AK2: variants seen among roughly 807,000 people sequenced by gnomAD.
AK2 encodes the protein adenylate kinase 2, mitochondrial.
In AK2, 15 loss-of-function variants were observed where a neutral mutation model predicts 24.6. The observed-to-expected ratio is 0.61, with a 90% CI of 0.41 to 0.94. The LOEUF is 0.94. AK2 is among the 40% of genes least tolerant of loss of function. The probability of loss-of-function intolerance (pLI) is 0.00; values close to 1 mark genes in which losing one functional copy is unlikely to be tolerated. For synonymous variants in AK2, 102 were observed against 114.0 expected, an observed-to-expected ratio of 0.90 and a Z score of 0.67; for missense variants, 257 against 304.1, an observed-to-expected ratio of 0.85 and a Z score of 1.15.
At position 33,011,287 on chromosome 1, in the gene AK2, C is replaced by G; in HGVS notation, c.*1894G>C. The G allele has an allele frequency of 7.7e-7, 1 of 1,292,798 alleles. No homozygotes were observed. The highest frequency in any genetic ancestry group is 5.5e-5 in the East Asian group (1 of 18,254). 80.1% of individuals were successfully genotyped at this position (1,292,798 alleles called of 1,614,324 possible). On this transcript the variant is annotated 3_prime_UTR_variant, in exon 6 of 6. Transcript: ENST00000672715. ...CCAGAGAAGGATCCCAGACCAGGCA[C>G]ACATAGCTGACAGTTTTTGTTTCAC...
At chr1:33,020,006 G>A (rs1322277073) in intron 4 of AK2, 1 of 1,503,100 alleles carries the variant, frequency 6.7e-7, no homozygotes, top group Middle Eastern at 1.7e-4. Flanking sequence ...GGGAATGGAG[G>A]GTCCATTTGC....
chr1:33,020,733 T>C (rs1557620873), intron 4 of AK2, among the ~76,000 whole-genome samples: 1 of 151,840 alleles, frequency 6.6e-6, no homozygotes. Flanking sequence ...TAGTCCGAGT[T>C]ACTCGGGAGG....
chr1:33,021,371 C>T lies in AK2; in HGVS notation c.421G>A (p.Gly141Arg), dbSNP rs201344074. 1.2e-6 allele frequency: 2 copies of T among 1,613,866 alleles called. No individual in the cohort carries two copies. Among genetic ancestry groups the T allele is most frequent in the Non-Finnish European group, 1.7e-6 (2 of 1,179,824 alleles). ...GGACCTTCAAGGGACAAATACCTTC[C>T]TGTGATTCTTCGGATCAGCAGAGAG... ...PDSLLIRRIT[G>R]RLIHPKSGRS... The change falls in exon 4 of 6, where the codon GGA (glycine) becomes AGA (arginine). Residue 141 changes from glycine to arginine, a missense_variant. Gly to Arg is a moderately radical substitution (Grantham distance 125, BLOSUM62 -2). Coordinates refer to ENST00000672715, the MANE Select transcript of AK2 (RefSeq NM_001625.4).
rs562164043 is a variant in AK2 at position 33,009,920 on chromosome 1, T to C, written c.*3261A>G. On this transcript the variant is annotated 3_prime_UTR_variant, in exon 6 of 6. Transcript: ENST00000672715. ...CTAAAAAAAATGCCACAACAGGGGA[T>C]ACAAATTTTAACATATTTTATTGAT... The C allele has an allele frequency of 1.3e-5, 6 of 454,582 alleles. No individual in the cohort carries two copies. Among genetic ancestry groups the C allele is most frequent in the African/African-American group, 1.2e-4 (6 of 50,140 alleles). The allele number at this position is 454,582 out of a possible 1,614,324, so 28.2% of individuals were successfully genotyped here.
Position 33,011,112 on chromosome 1 carries a change from G to A in AK2, c.*2069C>T. The A allele has an allele frequency of 1.4e-6, 2 of 1,422,410 alleles. No homozygotes were observed. Among genetic ancestry groups the A allele is most frequent in the East Asian group, 2.6e-5 (1 of 37,868 alleles). The allele number at this position is 1,422,410 out of a possible 1,614,324, so 88.1% of individuals were successfully genotyped here. A position where few individuals can be genotyped will look rare whatever the true frequency, so the allele number is the denominator to read the frequency against. On this transcript the variant is annotated 3_prime_UTR_variant, in exon 6 of 6. Transcript: ENST00000672715. ...ACTTGTACATGTTGTATGCACACGTGAATCTATGTGGACGGATGACAAATA... is the reference window on the plus strand; with the variant it reads ...ACTTGTACATGTTGTATGCACACGTAAATCTATGTGGACGGATGACAAATA...
chr1:33,018,104 A>C (rs12082671), intron 4 of AK2, among the ~76,000 whole-genome samples: 2,268 of 152,284 alleles, frequency 0.015, 57 homozygotes, highest in African/African-American at 0.052. Context: ...TCTCATCCAC[A>C]AAATTGGGAT....
Position 33,021,668 on chromosome 1 carries a change from C to A in AK2, c.255G>T (p.Lys85Asn). The A allele has an allele frequency of 6.2e-7, 1 of 1,614,124 alleles. No individual in the cohort carries two copies. Among genetic ancestry groups the A allele is most frequent in the Non-Finnish European group, 8.5e-7 (1 of 1,179,972 alleles). Residue 85 changes from lysine to asparagine, a missense_variant, in exon 3 of 6, where the codon AAG becomes AAT. Physicochemically the swap from Lys to Asn is moderately conservative, Grantham distance 94. Transcript: ENST00000672715. ...SDEMVVELIEKNLETPLCKNG... is the reference protein window; with the variant it reads ...SDEMVVELIENNLETPLCKNG... ...TTTTGCACAAGGGGGTCTCCAAATT[C>A]TTCTCAATGAGCTCCACTACCATTT...
rs1263289994 is a variant in AK2 at position 33,009,592 on chromosome 1, G to A, written c.*3589C>T. On this transcript the variant is annotated 3_prime_UTR_variant, in exon 6 of 6. Transcript: ENST00000672715. ...TTTCATTTAATGCCATTAAGGCCAA[G>A]AAGGTGGCATAACCAACTTCCTTTT... 2.2e-6 allele frequency: 1 copy of A among 454,150 alleles called. No individual in the cohort carries two copies. The highest frequency in any genetic ancestry group is 4.4e-6 in the Non-Finnish European group (1 of 226,792). 28.1% of individuals were successfully genotyped at this position (454,150 alleles called of 1,614,324 possible).
Position 33,013,267 on chromosome 1 carries a change from C to T in AK2, c.634G>A (p.Ala212Thr), listed in dbSNP as rs1638952544. The change falls in exon 6 of 6, where the codon GCA (alanine) becomes ACA (threonine). Residue 212 changes from alanine to threonine, a missense_variant. By Grantham distance (58) the Ala-to-Thr change is moderately conservative. Coordinates refer to ENST00000672715, the MANE Select transcript of AK2 (RefSeq NM_001625.4). ...RKRGIHSAID[A>T]SQTPDVVFAS... ...AACACGACATCGGGGGTCTGGGATG[C>T]ATCGATGGCGGAGTGGATCCCCCGT... 3.1e-6 allele frequency: 5 copies of T among 1,614,184 alleles called. No homozygotes were observed. The highest frequency in any genetic ancestry group is 4.2e-6 in the Non-Finnish European group (5 of 1,180,042).
At chr1:33,035,121 C>T (rs918578898) in intron 1 of AK2, among the ~76,000 whole-genome samples, 1 of 152,194 alleles carries the variant, frequency 6.6e-6, no homozygotes, top group Non-Finnish European at 1.5e-5. Context: ...GATTAAACTT[C>T]CCTAAGCTGC....
rs942332712 is a variant in AK2, at chr1:33,021,581, T to C, written c.330+12A>G. 3 of 1,613,200 alleles carry C rather than the reference T, an allele frequency of 1.9e-6. No homozygotes were observed. Among genetic ancestry groups the C allele is most frequent in the Non-Finnish European group, 1.7e-6 (2 of 1,179,160 alleles). Reference sequence around the variant, plus strand: ...TTTCATGCAGTAGTAATATAAAAACTAAGCTACCCACCATTTCTGCCTGCC... The same window carrying C: ...TTTCATGCAGTAGTAATATAAAAACCAAGCTACCCACCATTTCTGCCTGCC... On this transcript the variant is annotated intron_variant, in intron 3 of 5. Coordinates refer to ENST00000672715, the MANE Select transcript of AK2 (RefSeq NM_001625.4).
rs1324534395 is a variant in AK2 at position 33,036,878 on chromosome 1, G to C, written c.-50C>G. 2.0e-6 allele frequency: 3 copies of C among 1,475,826 alleles called. No homozygotes were observed. Among genetic ancestry groups the C allele is most frequent in the Non-Finnish European group, 2.8e-6 (3 of 1,077,442 alleles). The allele number at this position is 1,475,826 out of a possible 1,614,324, so 91.4% of individuals were successfully genotyped here. The stretch of plus-strand genomic sequence containing the variant: ...CCAGTTCGCACGCCTCACAGGTCCA[G>C]TGCTTCCCAGGTCAACGCACGCACG... On this transcript the variant is annotated 5_prime_UTR_variant, in exon 1 of 6. Transcript: ENST00000672715.
intron 4 of AK2, among the ~76,000 whole-genome samples, chr1:33,019,112 CTCT>C (rs1444797681): frequency 6.6e-6 from 1 of 152,206 alleles, no homozygotes; most frequent in African/African-American, 2.4e-5. Flanking sequence ...CTCTGAAATA[CTCT>C]TCATCGAGGA....
At chr1:33,028,968 G>A (rs1640073761) in intron 1 of AK2, among the ~76,000 whole-genome samples, 1 of 152,082 alleles carries the variant, frequency 6.6e-6, no homozygotes, top group Non-Finnish European at 1.5e-5. Flanking sequence ...TAGGAAACGG[G>A]CTCTACCGTT....
chr1:33,017,258 A>G (rs891558437), intron 4 of AK2, among the ~76,000 whole-genome samples: 3 of 152,336 alleles, frequency 2.0e-5, no homozygotes, highest in Admixed American at 1.3e-4. Flanking sequence ...GGAACCATGG[A>G]TATGGAAGGC....
At position 33,010,875 on chromosome 1, in the gene AK2, A is replaced by C; in HGVS notation, c.*2306T>G. ...ACAAGAGAGAACAAAATGGGTTTTTAAAAACCAAGTACATATCAGAGGAGG... is the reference window on the plus strand; with the variant it reads ...ACAAGAGAGAACAAAATGGGTTTTTCAAAACCAAGTACATATCAGAGGAGG... On this transcript the variant is annotated 3_prime_UTR_variant, in exon 6 of 6. Transcript: ENST00000672715. 2 of 1,613,988 alleles carry C rather than the reference A, an allele frequency of 1.2e-6. No homozygotes were observed. Among genetic ancestry groups the C allele is most frequent in the Non-Finnish European group, 8.5e-7 (1 of 1,179,948 alleles).
Position 33,011,451 on chromosome 1 carries a change from G to C in AK2, c.*1730C>G. ...GACAGAGGCAGCAGACACTCACTTG[G>C]ACCAGGCAAAGAGGGAAGCAAGGTG... On this transcript the variant is annotated 3_prime_UTR_variant, in exon 6 of 6. Transcript: ENST00000672715. The C allele has an allele frequency of 7.8e-7, 1 of 1,287,334 alleles. No individual in the cohort carries two copies. Among genetic ancestry groups the C allele is most frequent in the Non-Finnish European group, 1.0e-6 (1 of 988,782 alleles). 79.7% of individuals were successfully genotyped at this position (1,287,334 alleles called of 1,614,324 possible). A position where few individuals can be genotyped will look rare whatever the true frequency, so the allele number is the denominator to read the frequency against.
At chr1:33,019,963 A>G (rs1478623353) in intron 4 of AK2, 1 of 1,425,848 alleles carries the variant, frequency 7.0e-7, no homozygotes, top group Non-Finnish European at 9.1e-7. Flanking sequence ...AAAATGACAA[A>G]GACATAAAAA....
intron 1 of AK2, among the ~76,000 whole-genome samples, chr1:33,027,822 T>C (rs990969061): frequency 4.6e-5 from 7 of 151,314 alleles, no homozygotes; most frequent in African/African-American, 1.5e-4. Context: ...TGGGAGTCAA[T>C]GTGGTAGGCT....
Sources: gnomAD v4.1 joint callset for allele counts (sites outside exome capture counted in the v4.1 genomes callset) on GRCh38, gnomAD v4.1.1 for gene constraint, MANE v1.5 for transcripts, NCBI Gene and HGNC (gene_info 2026-07-23, HGNC 2026-07-21) for gene names.